TXLNG: variants seen among roughly 807,000 people sequenced by gnomAD.
The protein encoded by TXLNG is taxilin gamma.
TXLNG carries 5 observed loss-of-function variants against 38.8 expected under a neutral mutation model. That is an observed-to-expected ratio of 0.13 (90% CI 0.07 to 0.27). The LOEUF is 0.27. TXLNG is among the 10% of genes least tolerant of loss of function. The pLI, the probability that TXLNG is intolerant of heterozygous loss-of-function variation, is 1.00. For synonymous variants in TXLNG, 182 were observed against 158.2 expected, an observed-to-expected ratio of 1.15 and a Z score of -1.13; for missense variants, 393 against 398.2, an observed-to-expected ratio of 0.99 and a Z score of 0.11.
intron 5 of TXLNG, 84 bp downstream of exon 5, chrX:16,829,854 G>A: frequency 4.1e-6 from 4 of 980,777 alleles, no homozygotes; most frequent in Non-Finnish European, 5.6e-6. Flanking sequence ...CTGCTGTCAC[G>A]GGTGTTTCAG....
chrX:16,811,225 G>A (rs188516278), intron 1 of TXLNG, among the ~76,000 whole-genome samples: 10 of 112,143 alleles, frequency 8.9e-5, no homozygotes, highest in African/African-American at 2.9e-4. Flanking sequence ...CTACAAATAG[G>A]AAGTGATGAC....
intron 1 of TXLNG, 107 bp downstream of exon 1, chrX:16,786,696 G>T: frequency 3.3e-6 from 1 of 302,874 alleles, no homozygotes. Context: ...GCCACGGGAC[G>T]AACATCCGGT....
chrX:16,793,134 TA>T (rs2147458802), intron 1 of TXLNG, among the ~76,000 whole-genome samples: 1 of 110,082 alleles, frequency 9.1e-6, no homozygotes, highest in African/African-American at 3.3e-5. Flanking sequence ...TATACAAATT[TA>T]ATATCATATT....
chrX:16,830,783 T>C (rs1569271279), intron 5 of TXLNG, among the ~76,000 whole-genome samples: 2 of 100,691 alleles, frequency 2.0e-5, no homozygotes, highest in African/African-American at 3.6e-5. Context: ...TAACAAAAAG[T>C]AGAGAGATAA....
intron 6 of TXLNG, among the ~76,000 whole-genome samples, chrX:16,833,171 T>C (rs1278870307): frequency 1.8e-5 from 2 of 112,322 alleles, no homozygotes; most frequent in Admixed American, 1.9e-4. Flanking sequence ...ATGATTACAT[T>C]TTGTTTTCAA....
chrX:16,806,541 G>T (rs996216622), intron 1 of TXLNG, among the ~76,000 whole-genome samples: 1 of 112,267 alleles, frequency 8.9e-6, no homozygotes, highest in Non-Finnish European at 1.9e-5. Context: ...CAGCACTTTG[G>T]GAGGCTGAGG....
At chrX:16,839,227 G>A (rs779458731) in intron 8 of TXLNG, 1 of 111,868 alleles carries the variant, frequency 8.9e-6, no homozygotes, top group East Asian at 2.8e-4. Flanking sequence ...GAATTGTGAG[G>A]ATGACCAAAG....
chrX:16,802,089 G>A (rs867059993), intron 1 of TXLNG, among the ~76,000 whole-genome samples: 3 of 106,697 alleles, frequency 2.8e-5, no homozygotes, highest in Non-Finnish European at 3.9e-5. Context: ...GAGTAGCTGG[G>A]ATTACAGGCA....
chrX:16,790,663 C>T (rs914608936), intron 1 of TXLNG, among the ~76,000 whole-genome samples: 23 of 111,837 alleles, frequency 2.1e-4, no homozygotes, highest in African/African-American at 7.2e-4. Flanking sequence ...TACAAGGTAC[C>T]TAGGCCCAAA....
At chrX:16,809,861 T>A (rs761202179) in intron 1 of TXLNG, among the ~76,000 whole-genome samples, 9 of 112,227 alleles carry the variant, frequency 8.0e-5, no homozygotes, top group Non-Finnish European at 1.3e-4. Flanking sequence ...TTCATTTTTG[T>A]ACATCGTATT....
chrX:16,806,906 G>T (rs1928351941), intron 1 of TXLNG, among the ~76,000 whole-genome samples: 1 of 87,704 alleles, frequency 1.1e-5, no homozygotes, highest in African/African-American at 4.4e-5. Context: ...GACAGAGCGA[G>T]ACTCTGTCTC....
intron 6 of TXLNG, 94 bp from the exon 7 acceptor site, chrX:16,834,189 A>C: frequency 1.3e-6 from 1 of 743,435 alleles, no homozygotes. Context: ...GGTTCTTGCT[A>C]AAATAGAAGG....
At chrX:16,800,994 C>G (rs1928066438) in intron 1 of TXLNG, among the ~76,000 whole-genome samples, 1 of 111,393 alleles carries the variant, frequency 9.0e-6, no homozygotes. Flanking sequence ...ATGTGTGATG[C>G]CCCTGACCCC....
At chrX:16,826,884 G>A (rs921257089) in intron 3 of TXLNG, among the ~76,000 whole-genome samples, 1 of 104,427 alleles carries the variant, frequency 9.6e-6, no homozygotes, top group African/African-American at 3.5e-5. Context: ...GTGCAATGGC[G>A]CGATCCATTG....
At chrX:16,804,967 G>GGGCCCCC (rs1928267490) in intron 1 of TXLNG, among the ~76,000 whole-genome samples, 1 of 859 alleles carries the variant, frequency 1.2e-3, no homozygotes, top group African/African-American at 5.7e-3. Context: ...CACCACCACT[G>GGGCCCCC]CCCACCCCCC....
chrX:16,832,283 C>A (rs1288645491), intron 5 of TXLNG, among the ~76,000 whole-genome samples: 2 of 112,313 alleles, frequency 1.8e-5, no homozygotes, highest in East Asian at 5.6e-4. Flanking sequence ...CTCTTCTTAT[C>A]CTTCTTTGTC....
chrX:16,829,479 A>T, intron 4 of TXLNG, 97 bp from the exon 5 acceptor site: 1 of 821,320 alleles, frequency 1.2e-6, no homozygotes, highest in Non-Finnish European at 1.7e-6. Context: ...GCAACACGTC[A>T]GGGCAGCAAC....
chrX:16,813,900 C>A (rs959607601), intron 1 of TXLNG, among the ~76,000 whole-genome samples: 1 of 110,923 alleles, frequency 9.0e-6, no homozygotes, highest in Non-Finnish European at 1.9e-5. Flanking sequence ...TCCTGGCTAA[C>A]ACGGTGAAAC....
At chrX:16,810,358 T>TTA (rs1928470225) in intron 1 of TXLNG, among the ~76,000 whole-genome samples, 1 of 111,831 alleles carries the variant, frequency 8.9e-6, no homozygotes, top group Non-Finnish European at 1.9e-5. Flanking sequence ...GTCTGAGAAA[T>TTA]CATTTACAAT....
Sources: gnomAD v4.1 joint callset for allele counts (sites outside exome capture counted in the v4.1 genomes callset) on GRCh38, gnomAD v4.1.1 for gene constraint, MANE v1.5 for transcripts, NCBI Gene and HGNC (gene_info 2026-07-23, HGNC 2026-07-21) for gene names.